MYH10: variants seen among roughly 807,000 people sequenced by gnomAD.
MYH10 encodes myosin heavy chain 10.
MYH10 carries 55 observed loss-of-function variants against 257.8 expected under a neutral mutation model. The observed-to-expected ratio is 0.21, with a 90% CI of 0.17 to 0.27. MYH10 has a LOEUF of 0.27. Among genes scored for constraint, MYH10 ranks in the 10% least tolerant of loss-of-function variants. MYH10 has a pLI of 1.00. For synonymous variants in MYH10, 854 were observed against 921.7 expected (o/e 0.93, Z 1.33); for missense variants, 1,631 against 2,500.6 (o/e 0.65, Z 7.42).
chr17:8,479,574 C>T (rs999832537), intron 40 of MYH10, among the ~76,000 whole-genome samples: 3 of 152,162 alleles, frequency 2.0e-5, no homozygotes, highest in African/African-American at 7.2e-5. Context: ...TTCTGGGCTC[C>T]AAGCTCCCCA....
chr17:8,615,724 A>C (rs1161788864), intron 2 of MYH10, among the ~76,000 whole-genome samples: 2 of 152,230 alleles, frequency 1.3e-5, no homozygotes, highest in Non-Finnish European at 2.9e-5. Context: ...ACATTTGATA[A>C]ATTAACATTC....
chr17:8,628,576 C>A (rs1259194669), intron 1 of MYH10, among the ~76,000 whole-genome samples: 7 of 152,162 alleles, frequency 4.6e-5, no homozygotes, highest in Non-Finnish European at 8.8e-5. Flanking sequence ...CCATTGAGGT[C>A]ACTTACATGA....
chr17:8,491,940 TCCC>T (rs1476445248), intron 34 of MYH10, among the ~76,000 whole-genome samples: 1 of 152,092 alleles, frequency 6.6e-6, no homozygotes, highest in Non-Finnish European at 1.5e-5. Flanking sequence ...CCTCTCCAGG[TCCC>T]CACTCACCTC....
At chr17:8,580,888 T>A (rs2083679798) in intron 4 of MYH10, among the ~76,000 whole-genome samples, 1 of 151,916 alleles carries the variant, frequency 6.6e-6, no homozygotes. Context: ...TATAAGGATA[T>A]AAGGAATGCT....
chr17:8,606,248 T>C (rs1305843202), intron 2 of MYH10, among the ~76,000 whole-genome samples: 2 of 152,194 alleles, frequency 1.3e-5, no homozygotes, highest in East Asian at 1.9e-4. Flanking sequence ...GTTTTTTAAA[T>C]GTAGACAGAA....
rs559547500 is a variant in MYH10, at chr17:8,475,447, G to A, written c.*357C>T. 10 of 206,914 alleles carry A rather than the reference G, an allele frequency of 4.8e-5. No individual in the cohort carries two copies. The highest frequency in any genetic ancestry group is 2.3e-4 in the African/African-American group (10 of 43,194). 12.8% of individuals were successfully genotyped at this position (206,914 alleles called of 1,614,324 possible). On this transcript the variant is annotated 3_prime_UTR_variant, in exon 43 of 43. Transcript: ENST00000360416. ...CAGAGAGCATGCAGAGCGACTGAGT[G>A]ACGACCACGGCGCTGCCCCAATAAC...
chr17:8,476,462 T>C (rs1912629510), intron 42 of MYH10, among the ~76,000 whole-genome samples: 1 of 152,226 alleles, frequency 6.6e-6, no homozygotes, highest in African/African-American at 2.4e-5. Context: ...TGTAGCTCTC[T>C]CACGCTCTGC....
In MYH10 at chr17:8,569,375, T is replaced by C. The variant is rs1160698639; in HGVS notation, c.756+345A>G. ...ATAGTGCCGGGCTAAGTGCTCAGCG[T>C]GCACACCATTTATTCTCTACTCCGA... On this transcript the variant is annotated intron_variant, in intron 7 of 42. Coordinates refer to ENST00000360416, the MANE Select transcript of MYH10 (RefSeq NM_001256012.3). The surrounding 1 kb of genome is among the most constrained non-coding windows in gnomAD (Gnocchi z 4.1). Among the ~76,000 whole-genome samples the C allele has an allele frequency of 2.0e-5, 3 of 152,200 alleles. No homozygotes were observed. Among genetic ancestry groups the C allele is most frequent in the Admixed American group, 2.0e-4 (3 of 15,288 alleles).
chr17:8,579,637 T>G (rs2083629651), intron 4 of MYH10, among the ~76,000 whole-genome samples: 2 of 152,304 alleles, frequency 1.3e-5, no homozygotes, highest in South Asian at 4.1e-4. Flanking sequence ...CCCTTCTGAT[T>G]TGCCACCCAC....
chr17:8,612,258 G>C (rs1340529837), intron 2 of MYH10, among the ~76,000 whole-genome samples: 1 of 151,458 alleles, frequency 6.6e-6, no homozygotes, highest in East Asian at 1.9e-4. Flanking sequence ...ATTCTGATAT[G>C]CCAAAGAGAA....
At position 8,521,021 on chromosome 17, in the gene MYH10, T is replaced by A; in HGVS notation, c.2152-22A>T. ...CAGCCTAATCAAGCAAACAATAGTT[T>A]CATGGTTTAATCTTTAGCATCTGAC... On this transcript the variant is annotated intron_variant, in intron 18 of 42. Transcript: ENST00000360416. 3 of 1,610,778 alleles carry A rather than the reference T, an allele frequency of 1.9e-6. No homozygotes were observed. The African/African-American group carries it at 4.0e-5, about 21-fold the overall frequency.
chr17:8,610,361 G>A (rs1191381583), intron 2 of MYH10, among the ~76,000 whole-genome samples: 1 of 149,368 alleles, frequency 6.7e-6, no homozygotes, highest in Non-Finnish European at 1.5e-5. Context: ...AGCCACGGTG[G>A]GAAGATCACT....
rs551913291 is a variant in MYH10 at position 8,509,641 on chromosome 17, C to T, written c.3090+171G>A. 6.8e-3 allele frequency among the ~76,000 whole-genome samples: 1,039 copies of T among 152,232 alleles called. 13 individuals carry two copies. The highest frequency in any genetic ancestry group is 0.024 in the African/African-American group (1,002 of 41,518). ...TAAGGTTTAAAAAATTCAATGGTGC[C>T]TGTATCTTTAGAAATCTATACAAGT... On this transcript the variant is annotated intron_variant, in intron 25 of 42. Coordinates refer to ENST00000360416, the MANE Select transcript of MYH10 (RefSeq NM_001256012.3).
intron 3 of MYH10, among the ~76,000 whole-genome samples, chr17:8,592,184 G>C (rs1025614592): frequency 2.6e-5 from 4 of 152,112 alleles, no homozygotes; most frequent in African/African-American, 9.7e-5. Flanking sequence ...AATCCATGTT[G>C]AATCAAATCA....
chr17:8,500,949 C>T lies in MYH10; in HGVS notation c.3621G>A (p.Val1207=), dbSNP rs1339775811. 1 of 1,614,036 alleles carries T rather than the reference C, an allele frequency of 6.2e-7. No individual in the cohort carries two copies. Among genetic ancestry groups the T allele is most frequent in the African/African-American group, 1.3e-5 (1 of 75,034 alleles). Residue 1207 remains valine, a synonymous_variant, in exon 29 of 43, where the codon GTG becomes GTA. Coordinates refer to ENST00000360416, the MANE Select transcript of MYH10 (RefSeq NM_001256012.3). The part of the protein sequence containing the change: ...QELRTKREQE[V]AELKKALEEE... ...CCTCAAGAGCTTTCTTCAGCTCTGC[C>T]ACTTCTTGTTCACGTTTTGTACTAG... is the stretch of plus-strand genomic sequence containing the variant.
rs778511117 is a variant in MYH10, at chr17:8,512,489, G to T, written c.2914C>A (p.Leu972Ile). ...TGCATTTTTTTCTTTTCATTTTGGA[G>T]GATTTGGTTTCTTTCTTCTTCTTCT... ...VEEEEERNQI[L>I]QNEKKKMQAH... Residue 972 changes from leucine to isoleucine, a missense_variant, in exon 24 of 43, where the codon CTC (leucine) becomes ATC (isoleucine). Physicochemically the swap from Leu to Ile is conservative, Grantham distance 5 (BLOSUM62 2). Around this residue, in one of 11 missense-constraint regions of MYH10, gnomAD observed 169 missense variants for 249.8 expected, o/e 0.68. Coordinates refer to ENST00000360416, the MANE Select transcript of MYH10 (RefSeq NM_001256012.3). 4 of 1,613,174 alleles carry T rather than the reference G, an allele frequency of 2.5e-6. No individual in the cohort carries two copies. Among genetic ancestry groups the T allele is most frequent in the South Asian group, 2.2e-5 (2 of 90,918 alleles).
chr17:8,556,450 C>G (rs1356095125), intron 7 of MYH10, among the ~76,000 whole-genome samples: 1 of 152,176 alleles, frequency 6.6e-6, no homozygotes, highest in Admixed American at 6.5e-5. Context: ...AGGAATAAAC[C>G]AGGGACACAC....
rs1912941270 is a variant in MYH10, at chr17:8,477,841, A to G, written c.5706+497T>C. Among the ~76,000 whole-genome samples the G allele has an allele frequency of 6.6e-6, 1 of 152,224 alleles. No individual in the cohort carries two copies. The highest frequency in any genetic ancestry group is 1.5e-5 in the Non-Finnish European group (1 of 68,036). On this transcript the variant is annotated intron_variant, in intron 41 of 42. Coordinates refer to ENST00000360416, the MANE Select transcript of MYH10 (RefSeq NM_001256012.3). The surrounding 1 kb of genome is among the most constrained non-coding windows in gnomAD (Gnocchi z 4.2). ...TGCAATCAGGGCAGGCCTGACCCAC[A>G]GTTCAAAGTCCTGCGGAACATTCCC...
chr17:8,571,902 A>G (rs1310056147), intron 6 of MYH10, among the ~76,000 whole-genome samples: 1 of 148,956 alleles, frequency 6.7e-6, no homozygotes, highest in East Asian at 2.0e-4. Flanking sequence ...CTCACTTTGC[A>G]TTAACTGTTT....
Sources: allele counts gnomAD v4.1 joint callset (sites outside exome capture counted in the v4.1 genomes callset), GRCh38; gene constraint gnomAD v4.1.1; regional missense constraint gnomAD v4.1.1; non-coding constraint Gnocchi (gnomAD v3.1); transcripts MANE v1.5; gene names NCBI Gene and HGNC (gene_info 2026-07-23, HGNC 2026-07-21).